Variants in CRK observed in about 807,000 individuals in gnomAD.
CRK encodes adapter molecule crk.
In CRK, 4 loss-of-function variants were observed where a neutral mutation model predicts 29.8. The observed-to-expected ratio is 0.13, with a 90% CI of 0.07 to 0.31. The LOEUF is 0.31. CRK is among the 10% of genes least tolerant of loss of function. The pLI is 1.00. For missense variants in CRK, 274 were observed against 396.5 expected (o/e 0.69, Z 2.62); for synonymous variants, 153 against 164.9 (o/e 0.93, Z 0.55).
chr17:1,450,293 G>A (rs1038306441), intron 1 of CRK, among the ~76,000 whole-genome samples: 8 of 152,024 alleles, frequency 5.3e-5, no homozygotes, highest in Admixed American at 3.9e-4. Context: ...CGGATCACGA[G>A]GTCAGGAGCT....
chr17:1,455,992 G>A lies in CRK; in HGVS notation c.126C>T (p.Thr42=), dbSNP rs1453783379. 6.2e-7 allele frequency: 1 copy of A among 1,600,924 alleles called. No individual in the cohort carries two copies. Among genetic ancestry groups the A allele is most frequent in the Non-Finnish European group, 8.5e-7 (1 of 1,175,290 alleles). ...CGCTGAGCACATAGTCCCCGGGGCTGGTGCTCGAGTCCCGCACCAGGAACA... is the reference window on the plus strand; with the variant it reads ...CGCTGAGCACATAGTCCCCGGGGCTAGTGCTCGAGTCCCGCACCAGGAACA... The part of the protein sequence containing the change: ...HGVFLVRDSS[T]SPGDYVLSVS... Residue 42 remains threonine, a synonymous_variant, in exon 1 of 3, where the codon ACC becomes ACT. Transcript: ENST00000300574.
chr17:1,444,550 C>T (rs1323966478), intron 1 of CRK, among the ~76,000 whole-genome samples: 2 of 127,444 alleles, frequency 1.6e-5, no homozygotes, highest in Admixed American at 9.0e-5. Context: ...AAAAGCTGGG[C>T]GTGGTGGCTC....
intron 1 of CRK, among the ~76,000 whole-genome samples, chr17:1,446,095 G>A (rs2150911126): frequency 6.6e-6 from 1 of 152,276 alleles, no homozygotes; most frequent in South Asian, 2.1e-4. Context: ...ACTCTGAAGT[G>A]ATGGAAAGAA....
chr17:1,448,104 T>C (rs562371447), intron 1 of CRK, among the ~76,000 whole-genome samples: 2 of 152,052 alleles, frequency 1.3e-5, no homozygotes, highest in South Asian at 2.1e-4. Flanking sequence ...ATCGCGCCAC[T>C]GCACTCCAGC....
At chr17:1,432,125 A>G (rs964971223) in intron 2 of CRK, among the ~76,000 whole-genome samples, 2 of 152,150 alleles carry the variant, frequency 1.3e-5, no homozygotes, top group Admixed American at 6.6e-5. Flanking sequence ...TCATCCTGTA[A>G]CACATTCTTA....
In CRK at chr17:1,420,873, A is replaced by G. The variant is rs1435064604; in HGVS notation, c.*2640T>C. 1 of 152,196 alleles carries G rather than the reference A, an allele frequency of 6.6e-6. No homozygotes were observed. The highest frequency in any genetic ancestry group is 1.5e-5 in the Non-Finnish European group (1 of 68,038). 9.4% of individuals were successfully genotyped at this position (152,196 alleles called of 1,614,324 possible). On this transcript the variant is annotated 3_prime_UTR_variant, in exon 3 of 3. Coordinates refer to ENST00000300574, the MANE Select transcript of CRK (RefSeq NM_016823.4). ...TATTTTATTTCAAATTGGTTTGCTT[A>G]TCACCTATTTCAAACCATTAACAGT... is the stretch of plus-strand genomic sequence containing the variant.
chr17:1,454,103 G>T (rs933066233), intron 1 of CRK, among the ~76,000 whole-genome samples: 1 of 151,750 alleles, frequency 6.6e-6, no homozygotes, highest in Non-Finnish European at 1.5e-5. Context: ...TACTCAGGAG[G>T]CTGAGGCAGA....
intron 1 of CRK, among the ~76,000 whole-genome samples, chr17:1,450,669 A>C (rs1371313856): frequency 1.3e-5 from 2 of 151,458 alleles, no homozygotes; most frequent in Admixed American, 1.3e-4. Context: ...GGATCACTTG[A>C]GGCCAGGAGT....
At position 1,456,003 on chromosome 17, in the gene CRK, C is replaced by T; in HGVS notation, c.115G>A (p.Asp39Asn). The change falls in exon 1 of 3, where the codon GAC (aspartate) becomes AAC (asparagine). Residue 39 changes from aspartate (D) to asparagine (N), a missense_variant. Around this residue, in one of 3 missense-constraint regions of CRK, gnomAD observed 135 missense variants for 180.9 expected, o/e 0.75. Transcript: ENST00000300574. ...TAGTCCCCGGGGCTGGTGCTCGAGT[C>T]CCGCACCAGGAACACCCCGTGCCGC... ...GQRHGVFLVR[D>N]SSTSPGDYVL... The T allele has an allele frequency of 6.2e-7, 1 of 1,600,806 alleles. No individual in the cohort carries two copies. Among genetic ancestry groups the T allele is most frequent in the Non-Finnish European group, 8.5e-7 (1 of 1,175,238 alleles).
chr17:1,428,763 C>A (rs561712085), intron 2 of CRK, among the ~76,000 whole-genome samples: 2 of 150,962 alleles, frequency 1.3e-5, no homozygotes, highest in Admixed American at 1.3e-4. Flanking sequence ...ACCTCGTGAT[C>A]TGCTCACCTC....
At chr17:1,449,912 T>C (rs772107318) in intron 1 of CRK, among the ~76,000 whole-genome samples, 4 of 152,134 alleles carry the variant, frequency 2.6e-5, no homozygotes, top group Admixed American at 6.6e-5. Flanking sequence ...TTAAAAATAA[T>C]ACCCAGCTGC....
chr17:1,450,175 A>G (rs1359952254), intron 1 of CRK, among the ~76,000 whole-genome samples: 1 of 152,088 alleles, frequency 6.6e-6, no homozygotes, highest in East Asian at 1.9e-4. Flanking sequence ...ACTGCACTCC[A>G]GCCTGGGCAA....
At chr17:1,455,027 A>G (rs1415494682) in intron 1 of CRK, among the ~76,000 whole-genome samples, 1 of 152,156 alleles carries the variant, frequency 6.6e-6, no homozygotes, top group Non-Finnish European at 1.5e-5. Context: ...CACACCGACA[A>G]TGTTTAAGTC....
chr17:1,423,023 G>T lies in CRK; in HGVS notation c.*490C>A, dbSNP rs575769654. 2 of 399,678 alleles carry T rather than the reference G, an allele frequency of 5.0e-6. No homozygotes were observed. Among genetic ancestry groups the T allele is most frequent in the East Asian group, 7.1e-5 (2 of 28,092 alleles). 24.8% of individuals were successfully genotyped at this position (399,678 alleles called of 1,614,324 possible). ...GAAATGTCAGAATGAGTCACACGCTGGTCATGCTCCATACAATGAAAGCAA... is the reference window on the plus strand; with the variant it reads ...GAAATGTCAGAATGAGTCACACGCTTGTCATGCTCCATACAATGAAAGCAA... On this transcript the variant is annotated 3_prime_UTR_variant, in exon 3 of 3. Coordinates refer to ENST00000300574, the MANE Select transcript of CRK (RefSeq NM_016823.4).
At chr17:1,455,368 G>A (rs1012596148) in intron 1 of CRK, among the ~76,000 whole-genome samples, 5 of 152,070 alleles carry the variant, frequency 3.3e-5, no homozygotes, top group Admixed American at 6.6e-5. Context: ...GTTTCCTGAG[G>A]GTGTCTCCAT....
At chr17:1,442,836 A>T (rs1369486970) in intron 1 of CRK, among the ~76,000 whole-genome samples, 2 of 151,532 alleles carry the variant, frequency 1.3e-5, no homozygotes, top group East Asian at 3.9e-4. Context: ...CAAACTCCTG[A>T]CCTCAAGTGA....
chr17:1,454,142 C>A (rs1252069259), intron 1 of CRK, among the ~76,000 whole-genome samples: 1 of 152,162 alleles, frequency 6.6e-6, no homozygotes, highest in Non-Finnish European at 1.5e-5. Context: ...GCAAAGGTTG[C>A]AGTGAGCCAA....
chr17:1,453,350 C>G (rs117985867), intron 1 of CRK, among the ~76,000 whole-genome samples: 5,551 of 152,242 alleles, frequency 0.036, 171 homozygotes, highest in Non-Finnish European at 0.058. Context: ...AACAAACCTG[C>G]CTGCTGCCAT....
chr17:1,435,383 A>G (rs1028555471), intron 2 of CRK, among the ~76,000 whole-genome samples: 1 of 152,028 alleles, frequency 6.6e-6, no homozygotes, highest in African/African-American at 2.4e-5. Context: ...ACTTCAACCC[A>G]GTGCTAATAA....
Sources: allele counts gnomAD v4.1 joint callset (sites outside exome capture counted in the v4.1 genomes callset), GRCh38; gene constraint gnomAD v4.1.1; regional missense constraint gnomAD v4.1.1; transcripts MANE v1.5; gene names NCBI Gene and HGNC (gene_info 2026-07-23, HGNC 2026-07-21).